Variants in TNN observed in about 807,000 individuals in gnomAD.
The protein encoded by TNN is tenascin-N.
In TNN, 122 loss-of-function variants were observed where a neutral mutation model predicts 134.4. The observed-to-expected ratio is 0.91, with a 90% CI of 0.78 to 1.06. The LOEUF (loss-of-function observed/expected upper bound fraction) is 1.06, where lower values mean the gene tolerates loss of function less well. Ranked by LOEUF, TNN falls within the 50% of genes least tolerant of loss-of-function variation. The pLI, the probability that TNN is intolerant of heterozygous loss-of-function variation, is 0.00. For missense variants in TNN, 1,739 were observed against 1,699.4 expected, an observed-to-expected ratio of 1.02 and a Z score of -0.41; for synonymous variants, 710 against 670.3, an observed-to-expected ratio of 1.06 and a Z score of -0.91.
intron 7 of TNN, among the ~76,000 whole-genome samples, chr1:175,094,539 T>C (rs1674524698): frequency 6.6e-6 from 1 of 152,228 alleles, no homozygotes; most frequent in South Asian, 2.1e-4. Context: ...TTTCATTTTT[T>C]AGATGTGAAA....
At position 175,145,003 on chromosome 1, in the gene TNN, C is replaced by T. The variant is rs1326990452; in HGVS notation, c.3759+453C>T. On this transcript the variant is annotated intron_variant, in intron 18 of 18. Transcript: ENST00000239462. The stretch of plus-strand genomic sequence containing the variant: ...GGTTCTTGGTGGTGGACCTTGCTGG[C>T]TTGTGGCTGTGCGTCCTCACATGGC... Among the ~76,000 whole-genome samples, 3 of 152,224 alleles carry T rather than the reference C, an allele frequency of 2.0e-5. No individual in the cohort carries two copies. The East Asian group carries it at 5.8e-4, about 29-fold the overall frequency.
chr1:175,102,502 C>G (rs1484421118), intron 9 of TNN, among the ~76,000 whole-genome samples: 1 of 145,878 alleles, frequency 6.9e-6, no homozygotes, highest in East Asian at 2.3e-4. Context: ...TGGGCTGGCA[C>G]TGCTGGGGGA....
At chr1:175,120,743 A>G (rs1675329475) in intron 11 of TNN, among the ~76,000 whole-genome samples, 1 of 152,206 alleles carries the variant, frequency 6.6e-6, no homozygotes, top group African/African-American at 2.4e-5. Context: ...TACTTTGGTT[A>G]TGCTGTCCTG....
chr1:175,122,189 A>T (rs1186723656), intron 11 of TNN, among the ~76,000 whole-genome samples: 5 of 151,122 alleles, frequency 3.3e-5, no homozygotes, highest in African/African-American at 9.8e-5. Flanking sequence ...TCAGGAGTTC[A>T]AGACCAGCCT....
In TNN at chr1:175,081,862, G is replaced by A. The variant is rs562622853; in HGVS notation, c.1048+1436G>A. On this transcript the variant is annotated intron_variant, in intron 4 of 18. Coordinates refer to ENST00000239462, the MANE Select transcript of TNN (RefSeq NM_022093.2). ...GGGATTGGGTGCTGTCAAGAAGTGGGGAGAGCCTCTCCCCTCTGAGAGGCT... is the reference window on the plus strand; with the variant it reads ...GGGATTGGGTGCTGTCAAGAAGTGGAGAGAGCCTCTCCCCTCTGAGAGGCT... Among the ~76,000 whole-genome samples, 3 of 152,308 alleles carry A rather than the reference G, an allele frequency of 2.0e-5. No individual in the cohort carries two copies. The East Asian group carries it at 5.8e-4, about 29-fold the overall frequency.
In TNN at chr1:175,144,541, G is replaced by C; in HGVS notation, c.3750G>C (p.Lys1250Asn). The change falls in exon 18 of 19, where the codon AAG (lysine) becomes AAC (asparagine). Residue 1250 changes from lysine to asparagine, a missense_variant. Lys to Asn is a moderately conservative substitution (Grantham distance 94). Coordinates refer to ENST00000239462, the MANE Select transcript of TNN (RefSeq NM_022093.2). ...ANPNGRYGET[K>N]HSEGVNWEPW... ...CTAATGGCAGATATGGGGAGACCAA[G>C]CACAGTGAGGTAGGTGACAGGTGAA... The C allele has an allele frequency of 6.2e-7, 1 of 1,614,116 alleles. No homozygotes were observed. The highest frequency in any genetic ancestry group is 1.1e-5 in the South Asian group (1 of 91,034).
At chr1:175,093,432 A>G (rs1392105564) in intron 6 of TNN, among the ~76,000 whole-genome samples, 1 of 152,190 alleles carries the variant, frequency 6.6e-6, no homozygotes, top group East Asian at 1.9e-4. Flanking sequence ...TAACTCTTAA[A>G]TGTCATTACA....
intron 9 of TNN, among the ~76,000 whole-genome samples, chr1:175,105,222 A>T (rs1359342076): frequency 6.9e-6 from 1 of 145,962 alleles, no homozygotes; most frequent in Non-Finnish European, 1.5e-5. Flanking sequence ...ACATCTATGT[A>T]CCTATCAGGA....
intron 9 of TNN, among the ~76,000 whole-genome samples, chr1:175,113,240 T>A (rs1164637259): frequency 1.3e-5 from 2 of 152,218 alleles, no homozygotes; most frequent in African/African-American, 4.8e-5. Flanking sequence ...AGAGCCAGTT[T>A]AGTGGTGATG....
intron 6 of TNN, among the ~76,000 whole-genome samples, chr1:175,086,179 C>G (rs1674321897): frequency 6.6e-6 from 1 of 152,124 alleles, no homozygotes; most frequent in Admixed American, 6.5e-5. Context: ...TCTTGCCACA[C>G]CTGTGTTTTT....
intron 11 of TNN, among the ~76,000 whole-genome samples, chr1:175,120,686 A>G (rs1457833913): frequency 6.6e-6 from 1 of 152,144 alleles, no homozygotes; most frequent in Non-Finnish European, 1.5e-5. Flanking sequence ...CACTGCAAAA[A>G]AGGCTAGGAA....
chr1:175,074,926 C>T (rs1674003759), intron 1 of TNN, among the ~76,000 whole-genome samples: 1 of 152,240 alleles, frequency 6.6e-6, no homozygotes, highest in Non-Finnish European at 1.5e-5. Flanking sequence ...GGCTCTGCCA[C>T]TTCGTTGTTG....
chr1:175,146,940 T>G lies in TNN; in HGVS notation c.3769T>G (p.Trp1257Gly). 6.6e-7 allele frequency: 1 copy of G among 1,505,950 alleles called. No homozygotes were observed. The highest frequency in any genetic ancestry group is 8.9e-7 in the Non-Finnish European group (1 of 1,123,920). 93.3% of individuals were successfully genotyped at this position (1,505,950 alleles called of 1,614,324 possible). ...GETKHSEGVN[W>G]EPWKGHEFSI... ...TTTTTTTTTTTGGTAGGGGGTGAAC[T>G]GGGAGCCTTGGAAAGGACATGAATT... Residue 1257 changes from tryptophan (W) to glycine (G), a missense_variant, in exon 19 of 19, where the codon TGG (tryptophan) becomes GGG (glycine). Trp to Gly is a radical substitution (Grantham distance 184). Transcript: ENST00000239462.
chr1:175,080,448 C>T (rs199898556), intron 4 of TNN, 22 bp downstream of exon 4: 9 of 1,611,820 alleles, frequency 5.6e-6, no homozygotes, highest in East Asian at 4.5e-5. Flanking sequence ...ACCTGATGCC[C>T]CAGGGTTCCC....
In TNN at chr1:175,105,037, G is replaced by A. The variant is rs986714683; in HGVS notation, c.2119+6442G>A. Among the ~76,000 whole-genome samples, 5 of 146,086 alleles carry A rather than the reference G, an allele frequency of 3.4e-5. 1 individual carries two copies. The Admixed American group carries it at 3.4e-4, about 10-fold the overall frequency. ...GGATGGCTTGCTGACCAGTAGGGAA[G>A]TTGTCCCTTTCTTCGGCTGTCATTC... On this transcript the variant is annotated intron_variant, in intron 9 of 18. Coordinates refer to ENST00000239462, the MANE Select transcript of TNN (RefSeq NM_022093.2).
At chr1:175,129,627 A>G (rs1163393196) in intron 15 of TNN, among the ~76,000 whole-genome samples, 1 of 151,890 alleles carries the variant, frequency 6.6e-6, no homozygotes, top group African/African-American at 2.4e-5. Context: ...CTTTAGAGTA[A>G]GTGAGAGAGG....
intron 17 of TNN, among the ~76,000 whole-genome samples, chr1:175,141,433 G>A (rs193070595): frequency 6.6e-6 from 1 of 152,204 alleles, no homozygotes; most frequent in African/African-American, 2.4e-5. Context: ...GGGAGCTCTG[G>A]AAGCATTTAG....
intron 12 of TNN, among the ~76,000 whole-genome samples, chr1:175,126,554 C>G (rs1050620111): frequency 7.9e-5 from 12 of 152,194 alleles, no homozygotes; most frequent in African/African-American, 2.7e-4. Flanking sequence ...CCAGGCGGGC[C>G]AAGTCACCCT....
intron 9 of TNN, 126 bp from the exon 10 acceptor site, chr1:175,116,813 G>A (rs2101834676): frequency 7.4e-7 from 1 of 1,354,754 alleles, no homozygotes; most frequent in Non-Finnish European, 1.0e-6. Flanking sequence ...TGAAACAACT[G>A]AAAACCAGCA....
Sources: gnomAD v4.1 joint callset for allele counts (sites outside exome capture counted in the v4.1 genomes callset) on GRCh38, gnomAD v4.1.1 for gene constraint, MANE v1.5 for transcripts, NCBI Gene and HGNC (gene_info 2026-07-23, HGNC 2026-07-21) for gene names.